NAALADL2: variants seen among roughly 807,000 people sequenced by gnomAD.
NAALADL2 encodes inactive N-acetylated-alpha-linked acidic dipeptidase-like protein 2.
NAALADL2 carries 76 observed loss-of-function variants against 87.2 expected under a neutral mutation model. That is an observed-to-expected ratio of 0.87 (90% CI 0.72 to 1.05). The LOEUF (loss-of-function observed/expected upper bound fraction) is 1.05, where lower values mean the gene tolerates loss of function less well. NAALADL2 is among the 50% of genes least tolerant of loss of function. The pLI, the probability that NAALADL2 is intolerant of heterozygous loss-of-function variation, is 0.00. For synonymous variants in NAALADL2, 354 were observed against 331.0 expected (o/e 1.07, Z -0.75); for missense variants, 1,089 against 945.8 (o/e 1.15, Z -1.99).
intron 11 of NAALADL2, among the ~76,000 whole-genome samples, chr3:175,734,116 C>T (rs1744175109): frequency 6.6e-6 from 1 of 152,210 alleles, no homozygotes; most frequent in African/African-American, 2.4e-5. Context: ...CTTCTCACAG[C>T]TCCACTACGT....
intron 2 of NAALADL2, among the ~76,000 whole-genome samples, chr3:174,650,785 G>C (rs1259181592): frequency 2.0e-5 from 3 of 152,034 alleles, no homozygotes; most frequent in Middle Eastern, 3.5e-3. Context: ...TTAGGATGTA[G>C]AATATGAAGA....
At position 175,805,386 on chromosome 3, in the gene NAALADL2, C is replaced by T. The variant is rs1576884053; in HGVS notation, c.*2183C>T. 6.6e-6 allele frequency: 1 copy of T among 151,782 alleles called. No individual in the cohort carries two copies. Among genetic ancestry groups the T allele is most frequent in the African/African-American group, 2.4e-5 (1 of 41,352 alleles). 9.4% of individuals were successfully genotyped at this position (151,782 alleles called of 1,614,324 possible). The stretch of plus-strand genomic sequence containing the variant: ...TCACCTCTAAATTATATGTTATTTG[C>T]TATTTGAAAACTGTAGTTAACTATG... On this transcript the variant is annotated 3_prime_UTR_variant, in exon 14 of 14. Transcript: ENST00000454872.
At chr3:175,291,225 C>G (rs1755601001) in intron 4 of NAALADL2, among the ~76,000 whole-genome samples, 3 of 152,008 alleles carry the variant, frequency 2.0e-5, no homozygotes, top group African/African-American at 7.2e-5. Flanking sequence ...GCTGTGAATC[C>G]CAAGATATGT....
At chr3:174,745,920 G>T (rs1166007972) in intron 3 of NAALADL2, among the ~76,000 whole-genome samples, 1 of 152,024 alleles carries the variant, frequency 6.6e-6, no homozygotes, top group Admixed American at 6.5e-5. Context: ...GATATTGGTG[G>T]AACATATCTC....
chr3:175,469,759 G>C (rs182437633), intron 8 of NAALADL2, among the ~76,000 whole-genome samples: 37 of 152,046 alleles, frequency 2.4e-4, no homozygotes, highest in Non-Finnish European at 4.7e-4. Flanking sequence ...ACTTCCCTAA[G>C]ACTTGATTCC....
intron 1 of NAALADL2, among the ~76,000 whole-genome samples, chr3:174,882,788 T>C (rs1251674332): frequency 2.9e-5 from 3 of 104,914 alleles, no homozygotes; most frequent in South Asian, 2.9e-4. Context: ...TACATATGTG[T>C]ATATATACAC....
intron 3 of NAALADL2, among the ~76,000 whole-genome samples, chr3:174,748,769 A>G (rs1035538905): frequency 9.9e-5 from 15 of 152,190 alleles, no homozygotes; most frequent in Non-Finnish European, 2.1e-4. Flanking sequence ...ATATAGTGCA[A>G]AAAGCATGAT....
rs142577802 is a variant in NAALADL2, at chr3:174,952,133, C to T, written c.43+92683C>T. Among the ~76,000 whole-genome samples, 233 of 152,238 alleles carry T rather than the reference C, an allele frequency of 1.5e-3. 2 individuals are homozygous for T. The highest frequency in any genetic ancestry group is 0.014 in the Middle Eastern group (4 of 294). On this transcript the variant is annotated intron_variant, in intron 1 of 13. Transcript: ENST00000454872. ...TTTGGTACAACTAAATCTCCAGACCCGTCAGATCCTAATTTGTGATACCAC... is the reference window on the plus strand; with the variant it reads ...TTTGGTACAACTAAATCTCCAGACCTGTCAGATCCTAATTTGTGATACCAC...
At chr3:175,729,689 T>G (rs1250861664) in intron 11 of NAALADL2, among the ~76,000 whole-genome samples, 1 of 152,176 alleles carries the variant, frequency 6.6e-6, no homozygotes, top group Admixed American at 6.6e-5. Flanking sequence ...TCTCCGAATC[T>G]GTTGTGATTT....
chr3:174,781,785 A>C (rs2109151204), intron 3 of NAALADL2, among the ~76,000 whole-genome samples: 1 of 152,134 alleles, frequency 6.6e-6, no homozygotes, highest in Non-Finnish European at 1.5e-5. Flanking sequence ...GATTTTGTAG[A>C]GGAGTAATGG....
rs369199906 is a variant in NAALADL2 at position 175,371,076 on chromosome 3, C to T, written c.1090+46751C>T. Among the ~76,000 whole-genome samples, 100 of 152,202 alleles carry T rather than the reference C, an allele frequency of 6.6e-4. 4 individuals are homozygous for T. The South Asian group carries it at 0.021, about 32-fold the overall frequency. ...TTTGAACAGTATGGAAAAAAACTATCCCAAAAGGATGATTTGTCTTAGACA... is the reference window on the plus strand; with the variant it reads ...TTTGAACAGTATGGAAAAAAACTATTCCAAAAGGATGATTTGTCTTAGACA... On this transcript the variant is annotated intron_variant, in intron 5 of 13. Transcript: ENST00000454872.
chr3:174,619,843 T>TA (rs1012126604), intron 2 of NAALADL2, among the ~76,000 whole-genome samples: 64 of 152,102 alleles, frequency 4.2e-4, no homozygotes, highest in African/African-American at 1.5e-3. Context: ...ATCTATGACA[T>TA]AAAATAGCAA....
At chr3:174,954,046 C>T (rs928138416) in intron 1 of NAALADL2, among the ~76,000 whole-genome samples, 9 of 152,004 alleles carry the variant, frequency 5.9e-5, no homozygotes, top group African/African-American at 7.2e-5. Context: ...TATTTAGATA[C>T]GACTTTGGCA....
At chr3:175,799,920 T>G (rs1158217820) in intron 13 of NAALADL2, among the ~76,000 whole-genome samples, 1 of 152,202 alleles carries the variant, frequency 6.6e-6, no homozygotes, top group Non-Finnish European at 1.5e-5. Flanking sequence ...AGGGAAAATG[T>G]CTGCTTTAAA....
intron 9 of NAALADL2, among the ~76,000 whole-genome samples, chr3:175,479,978 G>C (rs1015815223): frequency 6.6e-6 from 1 of 151,696 alleles, no homozygotes; most frequent in African/African-American, 2.4e-5. Context: ...ATTACCTTCA[G>C]GTGCTCAAAC....
intron 1 of NAALADL2, among the ~76,000 whole-genome samples, chr3:175,011,448 A>G (rs1025581034): frequency 2.6e-5 from 4 of 152,170 alleles, no homozygotes; most frequent in African/African-American, 4.8e-5. Flanking sequence ...TTTCTTTTCT[A>G]TCGTCTACAG....
At chr3:174,661,434 A>T (rs919941538) in intron 2 of NAALADL2, among the ~76,000 whole-genome samples, 1 of 152,190 alleles carries the variant, frequency 6.6e-6, no homozygotes, top group African/African-American at 2.4e-5. Flanking sequence ...GGGATAAAAC[A>T]TTCTTTAATA....
chr3:175,398,426 G>T (rs182190940), intron 5 of NAALADL2, among the ~76,000 whole-genome samples: 2 of 140,698 alleles, frequency 1.4e-5, no homozygotes, highest in Admixed American at 7.8e-5. Flanking sequence ...CCCCTCCTCT[G>T]CTAATCTGTA....
At chr3:175,631,878 C>T (rs969422154) in intron 11 of NAALADL2, among the ~76,000 whole-genome samples, 1 of 151,986 alleles carries the variant, frequency 6.6e-6, no homozygotes, top group Non-Finnish European at 1.5e-5. Context: ...TCTCCTAAAT[C>T]GTTATTAGCT....
Sources: gnomAD v4.1 joint callset for allele counts (sites outside exome capture counted in the v4.1 genomes callset) on GRCh38, gnomAD v4.1.1 for gene constraint, MANE v1.5 for transcripts, NCBI Gene and HGNC (gene_info 2026-07-23, HGNC 2026-07-21) for gene names.